The following ELOVL4 variants were observed in gnomAD, a reference collection of about 807,000 sequenced individuals.
The protein encoded by ELOVL4 is very long chain fatty acid elongase 4.
ELOVL4 carries 18 observed loss-of-function variants against 42.1 expected under a neutral mutation model. That is an observed-to-expected ratio of 0.43 (90% CI 0.30 to 0.63). The LOEUF (loss-of-function observed/expected upper bound fraction) is 0.63. Among genes scored for constraint, ELOVL4 ranks in the 30% least tolerant of loss-of-function variants. ELOVL4 has a pLI of 0.15. For synonymous variants in ELOVL4, 117 were observed against 127.0 expected (o/e 0.92, Z 0.53); for missense variants, 299 against 376.2 (o/e 0.79, Z 1.70).
At chr6:79,944,987 C>CAAA (rs200726708) in intron 1 of ELOVL4, among the ~76,000 whole-genome samples, 48 of 92,986 alleles carry the variant, frequency 5.2e-4, no homozygotes, top group African/African-American at 1.5e-3. Context: ...TGAATGAGTC[C>CAAA]AAAAAAAAAA....
chr6:79,931,557 G>C (rs1226663417), intron 1 of ELOVL4, among the ~76,000 whole-genome samples: 1 of 152,112 alleles, frequency 6.6e-6, no homozygotes, highest in African/African-American at 2.4e-5. Flanking sequence ...ACTTTTAAAA[G>C]TTCCCTCAAT....
chr6:79,945,268 G>C (rs1774719757), intron 1 of ELOVL4, among the ~76,000 whole-genome samples: 1 of 152,206 alleles, frequency 6.6e-6, no homozygotes, highest in African/African-American at 2.4e-5. Flanking sequence ...CCTTCGGCCT[G>C]CTAGTGAGAG....
At chr6:79,945,155 G>C (rs1025584220) in intron 1 of ELOVL4, among the ~76,000 whole-genome samples, 3 of 152,120 alleles carry the variant, frequency 2.0e-5, no homozygotes, top group East Asian at 3.9e-4. Flanking sequence ...CCTCTCTGTT[G>C]GTTAAGAAAT....
At chr6:79,922,594 T>A (rs547310836) in intron 3 of ELOVL4, among the ~76,000 whole-genome samples, 2 of 152,306 alleles carry the variant, frequency 1.3e-5, no homozygotes, top group East Asian at 3.9e-4. Context: ...ATGTCAAGTA[T>A]TTTCTATGAT....
In ELOVL4 at chr6:79,921,807, G is replaced by A. The variant is rs954200666; in HGVS notation, c.370-11C>T. The A allele has an allele frequency of 9.3e-6, 15 of 1,613,500 alleles. No homozygotes were observed. The highest frequency in any genetic ancestry group is 1.7e-5 in the Admixed American group (1 of 59,996). On this transcript the variant is annotated splice_polypyrimidine_tract_variant and intron_variant, in intron 3 of 5. Transcript: ENST00000369816. ...CAGAGCAGCAGCTATCTGTAAAAAG[G>A]GAAAGCGTGTTATAAACACCAAAAT...
Position 79,916,490 on chromosome 6 carries a change from G to C in ELOVL4, c.*118C>G, listed in dbSNP as rs1254620513. The C allele has an allele frequency of 2.7e-6, 3 of 1,117,506 alleles. No homozygotes were observed. The highest frequency in any genetic ancestry group is 1.8e-5 in the Admixed American group (1 of 56,728). The allele number at this position is 1,117,506 out of a possible 1,614,324, so 69.2% of individuals were successfully genotyped here. The stretch of plus-strand genomic sequence containing the variant: ...TCAGTCTAAGAGTTACTAGGACATA[G>C]AGCACATTTGTCTTTTCTCCCCACC... On this transcript the variant is annotated 3_prime_UTR_variant, in exon 6 of 6. Transcript: ENST00000369816.
intron 1 of ELOVL4, among the ~76,000 whole-genome samples, chr6:79,938,545 T>C (rs752870154): frequency 1.3e-5 from 2 of 152,244 alleles, no homozygotes; most frequent in African/African-American, 2.4e-5. Flanking sequence ...ATAATTCACT[T>C]TGAATACACT....
intron 3 of ELOVL4, among the ~76,000 whole-genome samples, chr6:79,923,095 A>G (rs114243661): frequency 0.032 from 4,885 of 152,228 alleles, 109 homozygotes; most frequent in Middle Eastern, 0.061. Flanking sequence ...GGACCTCTAC[A>G]TTTGCCACAA....
At chr6:79,928,950 A>C (rs1163944515) in intron 1 of ELOVL4, among the ~76,000 whole-genome samples, 8 of 151,870 alleles carry the variant, frequency 5.3e-5, no homozygotes, top group South Asian at 2.1e-4. Context: ...TCTCTCATTC[A>C]ACAGAGAATT....
intron 1 of ELOVL4, among the ~76,000 whole-genome samples, chr6:79,937,116 G>A (rs1774556942): frequency 6.6e-6 from 1 of 152,154 alleles, no homozygotes; most frequent in African/African-American, 2.4e-5. Context: ...ACCTTCACCA[G>A]TGAAAGAGGG....
chr6:79,934,259 G>A (rs239530), intron 1 of ELOVL4, among the ~76,000 whole-genome samples: 10,944 of 152,006 alleles, frequency 0.072, 1,257 homozygotes, highest in African/African-American at 0.25. Context: ...AAGATGAGTG[G>A]GTGAAATGGC....
chr6:79,936,786 G>C (rs1372488888), intron 1 of ELOVL4, among the ~76,000 whole-genome samples: 2 of 152,084 alleles, frequency 1.3e-5, no homozygotes, highest in Admixed American at 6.6e-5. Flanking sequence ...AGAAGAGAAG[G>C]GCCCTTCAAA....
In ELOVL4 at chr6:79,916,391, G is replaced by C. The variant is rs537775144; in HGVS notation, c.*217C>G. ...TTGCTTTGGTCTGGAGAATATCAAG[G>C]CTAATTTTTAAAAAAAATGTTTAAA... On this transcript the variant is annotated 3_prime_UTR_variant, in exon 6 of 6. Transcript: ENST00000369816. The C allele has an allele frequency of 6.5e-4, 368 of 564,524 alleles. 1 individual carries two copies. The highest frequency in any genetic ancestry group is 9.9e-4 in the Non-Finnish European group (321 of 322,838). The allele number at this position is 564,524 out of a possible 1,614,324, so 35.0% of individuals were successfully genotyped here.
At chr6:79,925,641 T>G (rs1263746799) in intron 2 of ELOVL4, among the ~76,000 whole-genome samples, 1 of 152,172 alleles carries the variant, frequency 6.6e-6, no homozygotes, top group Non-Finnish European at 1.5e-5. Flanking sequence ...GTGGAGAATT[T>G]GCTAGTGCCC....
At chr6:79,924,872 T>G (rs1444014293) in intron 3 of ELOVL4, 80 bp downstream of exon 3, 7 of 893,118 alleles carry the variant, frequency 7.8e-6, no homozygotes, top group Non-Finnish European at 1.1e-5. Context: ...TAAAAAAAAG[T>G]ACATTCTATA....
chr6:79,943,656 C>A (rs239518), intron 1 of ELOVL4, among the ~76,000 whole-genome samples: 10,868 of 152,178 alleles, frequency 0.071, 1,257 homozygotes, highest in African/African-American at 0.25. Flanking sequence ...ATGACAGTGA[C>A]CCCCTAGACT....
In ELOVL4 at chr6:79,939,425, T is replaced by A. The variant is rs1774602538; in HGVS notation, c.100+7755A>T. ...TTGAAAAACTGAAACTCTATACCTA[T>A]TAAACAAGTCATCAGTTCTCCTTCT... On this transcript the variant is annotated intron_variant, in intron 1 of 5. Transcript: ENST00000369816. Among the ~76,000 whole-genome samples the A allele has an allele frequency of 2.0e-5, 3 of 152,104 alleles. No individual in the cohort carries two copies. In the South Asian group the frequency reaches 6.2e-4, roughly 31 times the overall value.
chr6:79,927,800 T>C (rs1774369113), intron 1 of ELOVL4, among the ~76,000 whole-genome samples: 1 of 152,182 alleles, frequency 6.6e-6, no homozygotes, highest in Non-Finnish European at 1.5e-5. Context: ...AAAGGAGGTC[T>C]ACTATTCATA....
chr6:79,917,958 G>T (rs1040639020), intron 5 of ELOVL4, among the ~76,000 whole-genome samples: 1 of 152,160 alleles, frequency 6.6e-6, no homozygotes, highest in Non-Finnish European at 1.5e-5. Context: ...AATAGATTCT[G>T]ATGTATCAAT....
Sources: allele counts gnomAD v4.1 joint callset (sites outside exome capture counted in the v4.1 genomes callset), GRCh38; gene constraint gnomAD v4.1.1; transcripts MANE v1.5; gene names NCBI Gene and HGNC (gene_info 2026-07-23, HGNC 2026-07-21).